The following DIPK1A variants were observed in gnomAD, a reference collection of about 807,000 sequenced individuals.
DIPK1A encodes the protein divergent protein kinase domain 1A, also known as family with sequence similarity 69 member A.
DIPK1A carries 27 observed loss-of-function variants against 40.8 expected under a neutral mutation model. That is an observed-to-expected ratio of 0.66 (90% CI 0.49 to 0.91). The LOEUF (loss-of-function observed/expected upper bound fraction) is 0.91. DIPK1A is among the 40% of genes least tolerant of loss of function. The pLI is 0.00. For missense variants in DIPK1A, 412 were observed against 505.7 expected (o/e 0.81, Z 1.78); for synonymous variants, 166 against 171.3 (o/e 0.97, Z 0.24).
chr1:92,863,883 C>T (rs1557458990), intron 2 of DIPK1A, among the ~76,000 whole-genome samples: 2 of 151,902 alleles, frequency 1.3e-5, no homozygotes, highest in Non-Finnish European at 2.9e-5. Context: ...GGTGAAACCC[C>T]GTCTCTACTA....
At chr1:92,886,383 A>C (rs1019503651) in intron 1 of DIPK1A, among the ~76,000 whole-genome samples, 5 of 151,978 alleles carry the variant, frequency 3.3e-5, no homozygotes, top group Non-Finnish European at 7.4e-5. Context: ...ACAGGGTGTC[A>C]CTATGTTACC....
intron 1 of DIPK1A, among the ~76,000 whole-genome samples, chr1:92,940,064 C>T (rs994704996): frequency 2.0e-5 from 3 of 152,136 alleles, no homozygotes; most frequent in African/African-American, 7.2e-5. Context: ...GCTTAATCCC[C>T]CATTTAAGAA....
chr1:92,913,354 C>T (rs1172455732), intron 1 of DIPK1A, among the ~76,000 whole-genome samples: 2 of 150,552 alleles, frequency 1.3e-5, no homozygotes, highest in East Asian at 3.9e-4. Context: ...TACAAATTAT[C>T]ATTCTTTTAT....
intron 1 of DIPK1A, among the ~76,000 whole-genome samples, chr1:92,892,923 G>A (rs186937993): frequency 6.6e-6 from 1 of 152,184 alleles, no homozygotes; most frequent in Admixed American, 6.5e-5. Context: ...TCAAATGAAT[G>A]AAATGAAGCC....
At chr1:92,931,564 GAA>G (rs35924388) in intron 1 of DIPK1A, 223 of 121,380 alleles carry the variant, frequency 1.8e-3, no homozygotes, top group South Asian at 5.1e-3. Flanking sequence ...GCCATCTCTT[GAA>G]AAAAAAAAAA....
In DIPK1A at chr1:92,891,859, T is replaced by C. The variant is rs150781542; in HGVS notation, c.55-15429A>G. Among the ~76,000 whole-genome samples the C allele has an allele frequency of 4.6e-4, 70 of 152,342 alleles. 1 individual carries two copies. The East Asian group carries it at 9.3e-3, about 20-fold the overall frequency. ...TAGCAAACAGCACACCAGGAGATTATATCCTACGCATGGCTTGGAGGGTCC... is the reference window on the plus strand; with the variant it reads ...TAGCAAACAGCACACCAGGAGATTACATCCTACGCATGGCTTGGAGGGTCC... On this transcript the variant is annotated intron_variant, in intron 1 of 4. Transcript: ENST00000370310.
chr1:92,944,403 A>G (rs937047476), intron 1 of DIPK1A, among the ~76,000 whole-genome samples: 1 of 152,244 alleles, frequency 6.6e-6, no homozygotes, highest in African/African-American at 2.4e-5. Context: ...CCCTATTTAT[A>G]CATTTTCTCT....
intron 1 of DIPK1A, among the ~76,000 whole-genome samples, chr1:92,949,155 C>T (rs1226619126): frequency 1.3e-5 from 2 of 151,946 alleles, no homozygotes; most frequent in Non-Finnish European, 2.9e-5. Flanking sequence ...CACTTCTCTA[C>T]CCTCCCACTC....
intron 1 of DIPK1A, among the ~76,000 whole-genome samples, chr1:92,949,686 C>T (rs897042070): frequency 2.6e-5 from 4 of 151,984 alleles, no homozygotes; most frequent in Non-Finnish European, 5.9e-5. Context: ...CCAGGAAATC[C>T]AAAAATATAA....
intron 4 of DIPK1A, chr1:92,833,130 CT>C: frequency 1.5e-6 from 1 of 674,252 alleles, no homozygotes; most frequent in East Asian, 2.7e-5. Flanking sequence ...AAATTGGGGC[CT>C]GCATTTTGTA....
intron 1 of DIPK1A, among the ~76,000 whole-genome samples, chr1:92,923,670 GA>G (rs1229334264): frequency 6.6e-6 from 1 of 152,128 alleles, no homozygotes; most frequent in Non-Finnish European, 1.5e-5. Flanking sequence ...CCTGGTATTT[GA>G]CAACAAACAG....
At chr1:92,889,804 T>C (rs1044783385) in intron 1 of DIPK1A, among the ~76,000 whole-genome samples, 11 of 152,116 alleles carry the variant, frequency 7.2e-5, no homozygotes, top group Admixed American at 6.5e-4. Context: ...TGTTCCACCA[T>C]GCTCAGCTAA....
chr1:92,837,712 A>G (rs954949068), downstream of DIPK1A: 1 of 1,140,134 alleles, frequency 8.8e-7, no homozygotes, highest in Non-Finnish European at 1.3e-6. Context: ...GGCAGGTAAC[A>G]TTCTTATATA....
chr1:92,846,635 C>CTTTT, intron 4 of DIPK1A: 2 of 340,364 alleles, frequency 5.9e-6, no homozygotes, highest in Non-Finnish European at 5.6e-6. Context: ...TTTTCTTTTT[C>CTTTT]TTTTTTTTTT....
chr1:92,867,074 A>T (rs899164575), intron 2 of DIPK1A, among the ~76,000 whole-genome samples: 4 of 152,226 alleles, frequency 2.6e-5, no homozygotes, highest in African/African-American at 9.6e-5. Context: ...CTTTCAATAC[A>T]TGAACTCATT....
intron 2 of DIPK1A, among the ~76,000 whole-genome samples, chr1:92,857,520 C>G (rs1688024469): frequency 6.6e-6 from 1 of 152,024 alleles, no homozygotes; most frequent in Non-Finnish European, 1.5e-5. Flanking sequence ...TGGGGTTTCA[C>G]CATGTTAGCT....
chr1:92,947,888 G>A (rs1044247127), intron 1 of DIPK1A, among the ~76,000 whole-genome samples: 2 of 152,168 alleles, frequency 1.3e-5, no homozygotes, highest in African/African-American at 4.8e-5. Context: ...GGTTACCAGA[G>A]GTAGGAAAAG....
At chr1:92,926,383 A>C (rs2100863131) in intron 1 of DIPK1A, among the ~76,000 whole-genome samples, 1 of 152,336 alleles carries the variant, frequency 6.6e-6, no homozygotes, top group South Asian at 2.1e-4. Context: ...ATACTCTGTT[A>C]GATCTCAATC....
rs1057456994 is a variant in DIPK1A at position 92,866,022 on chromosome 1, C to T, written c.189+10274G>A. 3.9e-5 allele frequency among the ~76,000 whole-genome samples: 6 copies of T among 152,264 alleles called. No homozygotes were observed. The South Asian group carries it at 1.2e-3, about 32-fold the overall frequency. ...CCCAACCAAGGCTGTGGTTCAGTGG[C>T]TACTAATACATAGTTCTGGGAATTC... is the stretch of plus-strand genomic sequence containing the variant. On this transcript the variant is annotated intron_variant, in intron 2 of 4. Transcript: ENST00000370310.
Sources: gnomAD v4.1 joint callset for allele counts (sites outside exome capture counted in the v4.1 genomes callset) on GRCh38, gnomAD v4.1.1 for gene constraint, MANE v1.5 for transcripts, NCBI Gene and HGNC (gene_info 2026-07-23, HGNC 2026-07-21) for gene names.